The following BRINP3 variants were observed in gnomAD, a reference collection of about 807,000 sequenced individuals.
The protein encoded by BRINP3 is BMP/retinoic acid inducible neural specific 3, also known as BMP/retinoic acid-inducible neural-specific protein 3.
Under a neutral mutation model 71.0 loss-of-function variants are expected in BRINP3, and 19 were observed. The observed-to-expected ratio is 0.27, with a 90% CI of 0.19 to 0.39. BRINP3 has a LOEUF of 0.39. Among genes scored for constraint, BRINP3 ranks in the 10% least tolerant of loss-of-function variants. The pLI, the probability that BRINP3 is intolerant of heterozygous loss-of-function variation, is 1.00. For synonymous variants in BRINP3, 380 were observed against 337.7 expected (o/e 1.13, Z -1.37); for missense variants, 959 against 940.8 (o/e 1.02, Z -0.25).
At chr1:190,268,052 A>T (rs1417059229) in intron 3 of BRINP3, among the ~76,000 whole-genome samples, 1 of 152,112 alleles carries the variant, frequency 6.6e-6, no homozygotes, top group Non-Finnish European at 1.5e-5. Flanking sequence ...ACAATATCCA[A>T]CAGTAACTAT....
intron 6 of BRINP3, among the ~76,000 whole-genome samples, chr1:190,207,173 T>C (rs1655582061): frequency 6.6e-6 from 1 of 152,142 alleles, no homozygotes; most frequent in Non-Finnish European, 1.5e-5. Context: ...GGATTCTTCA[T>C]CAGGTACAAC....
At chr1:190,473,870 T>A (rs1030097563) in intron 1 of BRINP3, among the ~76,000 whole-genome samples, 1 of 152,040 alleles carries the variant, frequency 6.6e-6, no homozygotes, top group Non-Finnish European at 1.5e-5. Context: ...AGCTTTCTTC[T>A]TTTTTCCTTC....
chr1:190,472,875 TTTAC>T (rs1373482277), intron 1 of BRINP3, among the ~76,000 whole-genome samples: 2 of 151,416 alleles, frequency 1.3e-5, no homozygotes, highest in African/African-American at 4.8e-5. Context: ...TTAGGTTTTA[TTTAC>T]TTAATTATAA....
rs190122486 is a variant in BRINP3, at chr1:190,227,664, C to A, written c.725-1346G>T. ...AAGTTAGGCATTGAACATTATTTGA[C>A]AGATGTATAGTTTTCAATATTGAGT... On this transcript the variant is annotated intron_variant, in intron 5 of 7. Transcript: ENST00000367462. Among the ~76,000 whole-genome samples the A allele has an allele frequency of 5.9e-5, 9 of 151,848 alleles. No individual in the cohort carries two copies. In the Admixed American group the frequency reaches 5.9e-4, roughly 10 times the overall value.
chr1:190,103,543 C>A (rs948669246), intron 7 of BRINP3, among the ~76,000 whole-genome samples: 2 of 151,944 alleles, frequency 1.3e-5, no homozygotes, highest in Non-Finnish European at 2.9e-5. Context: ...AATATGCAGT[C>A]CCAGAGAACT....
At chr1:190,377,863 A>T (rs1180361771) in intron 2 of BRINP3, among the ~76,000 whole-genome samples, 1 of 152,092 alleles carries the variant, frequency 6.6e-6, no homozygotes, top group Non-Finnish European at 1.5e-5. Flanking sequence ...GCCGAAAGAA[A>T]TTAAATTTTT....
chr1:190,125,379 G>T (rs1363884325), intron 7 of BRINP3, among the ~76,000 whole-genome samples: 1 of 151,282 alleles, frequency 6.6e-6, no homozygotes, highest in Admixed American at 6.6e-5. Context: ...TGAATAAAAT[G>T]TGTAGATATG....
chr1:190,201,445 A>G (rs1248605354), intron 6 of BRINP3, among the ~76,000 whole-genome samples: 1 of 152,204 alleles, frequency 6.6e-6, no homozygotes, highest in Non-Finnish European at 1.5e-5. Context: ...AATACGATAG[A>G]AAAGAAAATC....
intron 2 of BRINP3, among the ~76,000 whole-genome samples, chr1:190,337,937 T>C (rs1443714123): frequency 2.0e-5 from 3 of 152,072 alleles, no homozygotes; most frequent in African/African-American, 7.2e-5. Flanking sequence ...GTCATACTTT[T>C]ATACGTGAAA....
intron 2 of BRINP3, among the ~76,000 whole-genome samples, chr1:190,301,256 T>G (rs1664718637): frequency 7.0e-6 from 1 of 143,798 alleles, no homozygotes; most frequent in Admixed American, 7.1e-5. Context: ...TATATATATA[T>G]ATCTTATCAC....
At chr1:190,437,558 C>T (rs919898455) in intron 2 of BRINP3, among the ~76,000 whole-genome samples, 1 of 151,788 alleles carries the variant, frequency 6.6e-6, no homozygotes, top group Non-Finnish European at 1.5e-5. Context: ...TTTCCCTTCT[C>T]CTCTCTGCCC....
chr1:190,344,215 A>G (rs1308886130), intron 2 of BRINP3, among the ~76,000 whole-genome samples: 1 of 151,790 alleles, frequency 6.6e-6, no homozygotes, highest in Admixed American at 6.6e-5. Context: ...TGAGACCTTT[A>G]TATGCTAGGA....
At chr1:190,400,006 C>T (rs550163341) in intron 2 of BRINP3, among the ~76,000 whole-genome samples, 1 of 152,142 alleles carries the variant, frequency 6.6e-6, no homozygotes, top group Admixed American at 6.5e-5. Context: ...TTCAAAAAGT[C>T]ATTATTTAAG....
intron 2 of BRINP3, among the ~76,000 whole-genome samples, chr1:190,384,931 T>G (rs1026602053): frequency 5.3e-5 from 8 of 150,904 alleles, no homozygotes; most frequent in African/African-American, 1.5e-4. Context: ...TACAACTATC[T>G]GATCTTTGAC....
intron 2 of BRINP3, among the ~76,000 whole-genome samples, chr1:190,330,975 G>A (rs1166932169): frequency 6.6e-6 from 1 of 151,952 alleles, no homozygotes; most frequent in Admixed American, 6.6e-5. Flanking sequence ...CTACTTAGGG[G>A]AGCGGGGAAG....
intron 2 of BRINP3, among the ~76,000 whole-genome samples, chr1:190,356,336 AT>A (rs539463753): frequency 1.3e-5 from 2 of 151,994 alleles, no homozygotes; most frequent in East Asian, 1.9e-4. Context: ...GAATAGTGTC[AT>A]TTTTTTCCTA....
At chr1:190,450,193 T>C (rs1297672983) in intron 2 of BRINP3, among the ~76,000 whole-genome samples, 1 of 152,122 alleles carries the variant, frequency 6.6e-6, no homozygotes, top group Non-Finnish European at 1.5e-5. Flanking sequence ...GCTGCGAAGT[T>C]GCTATTAGGA....
At chr1:190,177,329 ATTT>A (rs11307442) in intron 6 of BRINP3, among the ~76,000 whole-genome samples, 187 of 98,694 alleles carry the variant, frequency 1.9e-3, no homozygotes, top group Middle Eastern at 0.014. Context: ...TGCCTGGATA[ATTT>A]TTTTTTTTTT....
intron 6 of BRINP3, among the ~76,000 whole-genome samples, chr1:190,207,887 C>T (rs903425792): frequency 1.6e-4 from 25 of 152,106 alleles, no homozygotes; most frequent in Non-Finnish European, 2.4e-4. Flanking sequence ...AAATATTAAC[C>T]GTGACTGAAG....
Sources: gnomAD v4.1 joint callset for allele counts (sites outside exome capture counted in the v4.1 genomes callset) on GRCh38, gnomAD v4.1.1 for gene constraint, MANE v1.5 for transcripts, NCBI Gene and HGNC (gene_info 2026-07-23, HGNC 2026-07-21) for gene names.